Variants in P4HA3 observed in about 807,000 individuals in gnomAD.
P4HA3 encodes the protein prolyl 4-hydroxylase subunit alpha-3.
P4HA3 carries 60 observed loss-of-function variants against 66.7 expected under a neutral mutation model. The observed-to-expected ratio is 0.90, with a 90% CI of 0.73 to 1.12. The LOEUF is 1.12. Among genes scored for constraint, P4HA3 ranks in the 50% most tolerant of loss-of-function variants. The probability of loss-of-function intolerance (pLI) is 0.00; values close to 1 mark genes in which losing one functional copy is unlikely to be tolerated. For missense variants in P4HA3, 683 were observed against 685.8 expected (o/e 1.00, Z 0.05); for synonymous variants, 263 against 274.6 (o/e 0.96, Z 0.42).
chr11:74,311,395 A>G lies in P4HA3; in HGVS notation c.200+17T>C. On this transcript the variant is annotated intron_variant, in intron 1 of 12. Coordinates refer to ENST00000331597, the MANE Select transcript of P4HA3 (RefSeq NM_182904.5). ...CCACTGAGGCCCCTCGGTCGCTCCCACTCGTCGTGCCCTCACCTAGTCAGG... is the reference window on the plus strand; with the variant it reads ...CCACTGAGGCCCCTCGGTCGCTCCCGCTCGTCGTGCCCTCACCTAGTCAGG... 1 of 1,485,496 alleles carries G rather than the reference A, an allele frequency of 6.7e-7. No homozygotes were observed. Among genetic ancestry groups the G allele is most frequent in the African/African-American group, 1.5e-5 (1 of 68,900 alleles). The allele number at this position is 1,485,496 out of a possible 1,614,324, so 92.0% of individuals were successfully genotyped here.
intron 4 of P4HA3, among the ~76,000 whole-genome samples, chr11:74,294,944 C>G (rs1861165562): frequency 6.6e-6 from 1 of 152,126 alleles, no homozygotes; most frequent in African/African-American, 2.4e-5. Flanking sequence ...AAGCTGCATG[C>G]TGGAAGAACC....
chr11:74,306,558 T>A (rs116636673), intron 1 of P4HA3, among the ~76,000 whole-genome samples: 1,717 of 152,182 alleles, frequency 0.011, 31 homozygotes, highest in African/African-American at 0.039. Context: ...AATGAACGTG[T>A]GCAAGAGCAC....
intron 15 of P4HA3, chr11:74,251,848 G>A: frequency 9.1e-7 from 1 of 1,100,636 alleles, no homozygotes; most frequent in East Asian, 2.4e-5. Flanking sequence ...CTCCTCCTCA[G>A]TGAAGAGCCT....
intron 12 of P4HA3, 60 bp from the exon 13 acceptor site, chr11:74,267,378 TG>T: frequency 6.3e-7 from 1 of 1,592,894 alleles, no homozygotes; most frequent in Non-Finnish European, 8.6e-7. Flanking sequence ...GCAGCAATGC[TG>T]CAGACTGGTG....
rs559544000 is a variant in P4HA3, at chr11:74,250,238, C to T, written c.*1319-2237G>A. The T allele has an allele frequency of 2.0e-5, 3 of 152,164 alleles. No homozygotes were observed. In the South Asian group the frequency reaches 6.2e-4, roughly 32 times the overall value. The allele number at this position is 152,164 out of a possible 1,614,324, so 9.4% of individuals were successfully genotyped here. ...CTTATGGGGGCTCTGGGTCTCATAT[C>T]CTTTAGTCTCCTTAGGGATCTTCTT... On this transcript the variant is annotated intron_variant and NMD_transcript_variant, in intron 15 of 15. Coordinates refer to the P4HA3 transcript ENST00000524388.
At chr11:74,251,730 A>G (rs1036561036) in intron 15 of P4HA3, 2 of 1,613,914 alleles carry the variant, frequency 1.2e-6, no homozygotes, top group Middle Eastern at 3.3e-4. Flanking sequence ...GGCGGGTACA[A>G]GGGTTTAAGA....
At chr11:74,279,780 A>C (rs1330675903) in intron 7 of P4HA3, among the ~76,000 whole-genome samples, 4 of 152,190 alleles carry the variant, frequency 2.6e-5, no homozygotes, top group Non-Finnish European at 5.9e-5. Flanking sequence ...GTTAGGTAAG[A>C]ACAGGGGCTA....
At chr11:74,274,504 G>A (rs1338905630) in intron 9 of P4HA3, among the ~76,000 whole-genome samples, 4 of 150,626 alleles carry the variant, frequency 2.7e-5, no homozygotes, top group Non-Finnish European at 4.4e-5. Flanking sequence ...TAGTAGAGAC[G>A]GGGTTTCACT....
chr11:74,291,257 G>A lies in P4HA3; in HGVS notation c.718-2127C>T, dbSNP rs142831135. Among the ~76,000 whole-genome samples the A allele has an allele frequency of 4.2e-3, 646 of 152,174 alleles. 3 individuals are homozygous for A. The highest frequency in any genetic ancestry group is 0.015 in the African/African-American group (610 of 41,500). ...TTTGGCTCTCTGTTTGTCTGTTATT[G>A]GTGTATAAGAATGCTTGTGATTTCT... On this transcript the variant is annotated intron_variant, in intron 4 of 12. Coordinates refer to ENST00000331597, the MANE Select transcript of P4HA3 (RefSeq NM_182904.5).
At chr11:74,311,381 C>T in intron 1 of P4HA3, 31 bp downstream of exon 1, 1 of 1,472,162 alleles carries the variant, frequency 6.8e-7, no homozygotes, top group Non-Finnish European at 8.9e-7. Context: ...CACTGAGGCC[C>T]CTCGGTCGCT....
intron 15 of P4HA3, among the ~76,000 whole-genome samples, chr11:74,257,064 T>C (rs375557578): frequency 6.6e-6 from 1 of 152,120 alleles, no homozygotes; most frequent in East Asian, 1.9e-4. Flanking sequence ...GTAAGAAGGT[T>C]GGGGGTGGGC....
chr11:74,302,682 T>G, intron 2 of P4HA3, 90 bp from the exon 3 acceptor site: 1 of 1,183,626 alleles, frequency 8.4e-7, no homozygotes, highest in Non-Finnish European at 1.2e-6. Flanking sequence ...TGTTCAAATA[T>G]TTAATGACAT....
chr11:74,267,998 T>G (rs1326816380), intron 12 of P4HA3, 147 bp downstream of exon 12: 8 of 707,788 alleles, frequency 1.1e-5, no homozygotes, highest in African/African-American at 1.8e-5. Flanking sequence ...TGGGGGCACC[T>G]CATTCATAAT....
chr11:74,258,165 C>T (rs985856606), intron 15 of P4HA3, among the ~76,000 whole-genome samples: 1 of 152,166 alleles, frequency 6.6e-6, no homozygotes, highest in African/African-American at 2.4e-5. Flanking sequence ...GGCCAGGGCT[C>T]AGAAAGTTAT....
chr11:74,255,887 G>T (rs900594496), intron 15 of P4HA3: 10 of 507,076 alleles, frequency 2.0e-5, no homozygotes, highest in Non-Finnish European at 3.9e-5. Context: ...GAGGAGAGAA[G>T]TTCCTTATGT....
chr11:74,304,209 C>T lies in P4HA3; in HGVS notation c.343+61G>A, dbSNP rs988300572. On this transcript the variant is annotated intron_variant, in intron 2 of 12. Coordinates refer to ENST00000331597, the MANE Select transcript of P4HA3 (RefSeq NM_182904.5). ...ATCACATCCCAACAGAATCTCTCTC[C>T]TTACCACCGAGTCAGGAGATAGAAT... The T allele has an allele frequency of 5.7e-6, 9 of 1,587,068 alleles. No homozygotes were observed. In the African/African-American group the frequency reaches 6.7e-5, roughly 12 times the overall value.
intron 9 of P4HA3, among the ~76,000 whole-genome samples, chr11:74,275,115 C>G (rs1860351637): frequency 6.6e-6 from 1 of 152,050 alleles, no homozygotes; most frequent in South Asian, 2.1e-4. Flanking sequence ...ATATTTTCTC[C>G]TAGTTGGTGG....
At chr11:74,251,046 A>C in intron 15 of P4HA3, 2 of 1,572,362 alleles carry the variant, frequency 1.3e-6, no homozygotes, top group Non-Finnish European at 1.7e-6. Flanking sequence ...TGACTGTAAA[A>C]GGACAACTGT....
Position 74,311,632 on chromosome 11 carries a change from C to A in P4HA3, c.-21G>T. On this transcript the variant is annotated 5_prime_UTR_variant, in exon 1 of 13. Coordinates refer to ENST00000331597, the MANE Select transcript of P4HA3 (RefSeq NM_182904.5). ...CCCATAGCCAGCGCTCGCGAACTTCCCCTCAGACAGTCCTGGCCGCGCGGC... is the reference window on the plus strand; with the variant it reads ...CCCATAGCCAGCGCTCGCGAACTTCACCTCAGACAGTCCTGGCCGCGCGGC... The A allele has an allele frequency of 6.8e-7, 1 of 1,473,074 alleles. No individual in the cohort carries two copies. The highest frequency in any genetic ancestry group is 1.3e-5 in the South Asian group (1 of 74,634). 91.3% of individuals were successfully genotyped at this position (1,473,074 alleles called of 1,614,324 possible).
Sources: gnomAD v4.1 joint callset for allele counts (sites outside exome capture counted in the v4.1 genomes callset) on GRCh38, gnomAD v4.1.1 for gene constraint, MANE v1.5 for transcripts, NCBI Gene and HGNC (gene_info 2026-07-23, HGNC 2026-07-21) for gene names.